KIAA0930: variants seen among roughly 807,000 people sequenced by gnomAD.
KIAA0930 encodes KIAA0930.
In KIAA0930, 24 loss-of-function variants were observed where a neutral mutation model predicts 43.9. The ratio of observed to expected loss-of-function variants is 0.55; its 90% CI spans 0.40 to 0.77. The LOEUF is 0.77. Ranked by LOEUF, KIAA0930 falls within the 30% of genes least tolerant of loss-of-function variation. The probability of loss-of-function intolerance (pLI) is 0.00; values close to 1 mark genes in which losing one functional copy is unlikely to be tolerated. For synonymous variants in KIAA0930, 259 were observed against 216.4 expected (o/e 1.20, Z -1.73); for missense variants, 461 against 574.2 (o/e 0.80, Z 2.02).
intron 1 of KIAA0930, among the ~76,000 whole-genome samples, chr22:45,233,420 C>A (rs375977281): frequency 6.6e-6 from 1 of 152,138 alleles, no homozygotes; most frequent in Admixed American, 6.5e-5. Context: ...GCACAGGCCA[C>A]GCAGGGCATG....
At chr22:45,225,461 C>G (rs1338703004) in intron 1 of KIAA0930, among the ~76,000 whole-genome samples, 1 of 152,180 alleles carries the variant, frequency 6.6e-6, no homozygotes, top group Non-Finnish European at 1.5e-5. Context: ...TCCAGGCTCC[C>G]TTACCAGGCA....
At chr22:45,217,359 T>G (rs1304996573) in intron 1 of KIAA0930, among the ~76,000 whole-genome samples, 1 of 25,650 alleles carries the variant, frequency 3.9e-5, no homozygotes, top group African/African-American at 1.9e-4. Context: ...AGACCCCGTC[T>G]CAAAAAAAAA....
chr22:45,215,885 G>T (rs1468526684), intron 1 of KIAA0930, among the ~76,000 whole-genome samples: 1 of 152,188 alleles, frequency 6.6e-6, no homozygotes, highest in Non-Finnish European at 1.5e-5. Context: ...TTAAGAAAGG[G>T]AACGGGGAGG....
intron 1 of KIAA0930, among the ~76,000 whole-genome samples, chr22:45,215,284 A>C (rs902237090): frequency 6.6e-6 from 1 of 152,224 alleles, no homozygotes; most frequent in Admixed American, 6.5e-5. Context: ...TATGCAGTTT[A>C]TTTTACATAA....
chr22:45,210,214 G>C (rs2147746952), intron 2 of KIAA0930, among the ~76,000 whole-genome samples: 1 of 152,328 alleles, frequency 6.6e-6, no homozygotes, highest in Admixed American at 6.5e-5. Context: ...GGGGGTGGGA[G>C]AAAAGTTCTC....
At chr22:45,213,677 TAGA>T (rs1569077969) in intron 1 of KIAA0930, among the ~76,000 whole-genome samples, 1 of 152,258 alleles carries the variant, frequency 6.6e-6, no homozygotes, top group African/African-American at 2.4e-5. Flanking sequence ...GGTTCCCTCT[TAGA>T]GCCCAACGGA....
At chr22:45,203,244 TC>T in intron 6 of KIAA0930, 60 bp from the exon 7 acceptor site, 1 of 1,473,082 alleles carries the variant, frequency 6.8e-7, no homozygotes. Flanking sequence ...ATGGGGCCCC[TC>T]CCCAGGACAT....
intron 1 of KIAA0930, among the ~76,000 whole-genome samples, chr22:45,218,054 G>A (rs1042825935): frequency 6.6e-6 from 1 of 152,220 alleles, no homozygotes; most frequent in Non-Finnish European, 1.5e-5. Context: ...TCTGCACGAC[G>A]CTGGACTGGT....
Position 45,199,955 on chromosome 22 carries a change from C to T in KIAA0930, c.933G>A (p.Val311=), listed in dbSNP as rs1199123197. The T allele has an allele frequency of 6.2e-7, 1 of 1,610,058 alleles. No individual in the cohort carries two copies. The highest frequency in any genetic ancestry group is 8.5e-7 in the Non-Finnish European group (1 of 1,177,676). Residue 311 remains valine (V), a synonymous_variant, in exon 8 of 10, where the codon GTG becomes GTA. Transcript: ENST00000336156. Reference sequence around the variant, plus strand: ...TCATCTCAGCGATCCGGTTCCGGGGCACCTTCCTCTTGAGGGATGGGGAGA... The same window carrying T: ...TCATCTCAGCGATCCGGTTCCGGGGTACCTTCCTCTTGAGGGATGGGGAGA... ...AFFSPSLKRK[V]PRNRIAEMKK... is the part of the protein sequence containing the mutation.
intron 1 of KIAA0930, among the ~76,000 whole-genome samples, chr22:45,221,121 C>T (rs1436235765): frequency 2.0e-5 from 3 of 152,184 alleles, no homozygotes; most frequent in Non-Finnish European, 2.9e-5. Context: ...CTTCTCAAAC[C>T]ACCTGATTTA....
chr22:45,240,264 C>A (rs913243778), intron 1 of KIAA0930, among the ~76,000 whole-genome samples: 1 of 152,246 alleles, frequency 6.6e-6, no homozygotes, highest in Non-Finnish European at 1.5e-5. Flanking sequence ...GTACCCAGAT[C>A]CCACGCCCAC....
At position 45,228,696 on chromosome 22, in the gene KIAA0930, C is replaced by G. The variant is rs188217251; in HGVS notation, c.64+11944G>C. Reference sequence around the variant, plus strand: ...CTTCACCGGAAAGATCCCTCTCCACCCCCCCAACCACCAAACACTCACCCG... The same window carrying G: ...CTTCACCGGAAAGATCCCTCTCCACGCCCCCAACCACCAAACACTCACCCG... On this transcript the variant is annotated intron_variant, in intron 1 of 9. Coordinates refer to ENST00000336156, the MANE Select transcript of KIAA0930 (RefSeq NM_001009880.2). 6.8e-3 allele frequency among the ~76,000 whole-genome samples: 927 copies of G among 135,480 alleles called. 9 individuals are homozygous for G. Among genetic ancestry groups the G allele is most frequent in the African/African-American group, 0.024 (871 of 36,738 alleles). 88.9% of individuals were successfully genotyped at this position (135,480 alleles called of 152,430 possible).
Position 45,196,926 on chromosome 22 carries a change from C to T in KIAA0930, c.*250G>A. 1 of 480,734 alleles carries T rather than the reference C, an allele frequency of 2.1e-6. No homozygotes were observed. The highest frequency in any genetic ancestry group is 3.2e-5 in the South Asian group (1 of 31,268). The allele number at this position is 480,734 out of a possible 1,614,324, so 29.8% of individuals were successfully genotyped here. On this transcript the variant is annotated 3_prime_UTR_variant, in exon 10 of 10. Coordinates refer to ENST00000336156, the MANE Select transcript of KIAA0930 (RefSeq NM_001009880.2). The surrounding 1 kb of genome is among the most constrained non-coding windows in gnomAD (Gnocchi z 4.1). ...TCCTCTTTGGGTGCAGAGGGCTCTCCAGAGATGGGTGGGGGGCGATGGGCG... is the reference window on the plus strand; with the variant it reads ...TCCTCTTTGGGTGCAGAGGGCTCTCTAGAGATGGGTGGGGGGCGATGGGCG...
intron 8 of KIAA0930, among the ~76,000 whole-genome samples, chr22:45,199,228 T>C (rs2083564155): frequency 6.6e-6 from 1 of 152,114 alleles, no homozygotes; most frequent in Non-Finnish European, 1.5e-5. Context: ...TCCTGTATTC[T>C]GGAAGGTCAC....
intron 1 of KIAA0930, among the ~76,000 whole-genome samples, chr22:45,235,838 C>T (rs2083885201): frequency 6.6e-6 from 1 of 152,216 alleles, no homozygotes; most frequent in African/African-American, 2.4e-5. Flanking sequence ...AGTGCTTAGC[C>T]AGGGCTCACA....
intron 5 of KIAA0930, among the ~76,000 whole-genome samples, 200 bp from the exon 6 acceptor site, chr22:45,204,185 G>A (rs117782268): frequency 1.3e-5 from 2 of 152,316 alleles, no homozygotes; most frequent in East Asian, 3.9e-4. Flanking sequence ...GGGCTGAGCA[G>A]CAGGGGAGGA....
At chr22:45,208,001 C>T (rs993505791) in intron 2 of KIAA0930, among the ~76,000 whole-genome samples, 1 of 152,124 alleles carries the variant, frequency 6.6e-6, no homozygotes, top group East Asian at 1.9e-4. Context: ...ATGAAAGGCT[C>T]GGGGGCACGA....
intron 1 of KIAA0930, among the ~76,000 whole-genome samples, chr22:45,229,104 CCG>C (rs2083830929): frequency 2.1e-5 from 1 of 47,052 alleles, no homozygotes; most frequent in African/African-American, 8.6e-5. Flanking sequence ...AAACACTCAC[CCG>C]AGAGATCCCT....
At chr22:45,223,188 C>T (rs1449883811) in intron 1 of KIAA0930, among the ~76,000 whole-genome samples, 1 of 152,180 alleles carries the variant, frequency 6.6e-6, no homozygotes, top group African/African-American at 2.4e-5. Flanking sequence ...ATAAGACATT[C>T]ACAGAACAGA....
Sources: allele counts gnomAD v4.1 joint callset (sites outside exome capture counted in the v4.1 genomes callset), GRCh38; gene constraint gnomAD v4.1.1; non-coding constraint Gnocchi (gnomAD v3.1); transcripts MANE v1.5; gene names NCBI Gene and HGNC (gene_info 2026-07-23, HGNC 2026-07-21).